The following EXOC6B variants were observed in gnomAD, a reference collection of about 807,000 sequenced individuals.
EXOC6B encodes SEC15 homolog B.
In EXOC6B, 54 loss-of-function variants were observed where a neutral mutation model predicts 113.5. The observed-to-expected ratio is 0.48, with a 90% CI of 0.38 to 0.60. EXOC6B has a LOEUF of 0.60. Among genes scored for constraint, EXOC6B ranks in the 20% least tolerant of loss-of-function variants. The probability of loss-of-function intolerance (pLI) is 0.00; values close to 1 mark genes in which losing one functional copy is unlikely to be tolerated. For missense variants in EXOC6B, 797 were observed against 977.5 expected (o/e 0.82, Z 2.46); for synonymous variants, 357 against 339.0 (o/e 1.05, Z -0.58).
At chr2:72,619,275 A>G (rs1208974250) in intron 6 of EXOC6B, among the ~76,000 whole-genome samples, 1 of 151,990 alleles carries the variant, frequency 6.6e-6, no homozygotes, top group Non-Finnish European at 1.5e-5. Context: ...CAATGACCCA[A>G]TCATTTCCTT....
intron 8 of EXOC6B, among the ~76,000 whole-genome samples, chr2:72,528,076 T>C (rs567754430): frequency 3.8e-4 from 58 of 152,188 alleles, no homozygotes; most frequent in African/African-American, 1.3e-3. Context: ...TTTTTTCTTT[T>C]ACACTGAAAG....
intron 6 of EXOC6B, among the ~76,000 whole-genome samples, chr2:72,607,356 C>T (rs922364489): frequency 6.6e-6 from 1 of 152,084 alleles, no homozygotes; most frequent in Non-Finnish European, 1.5e-5. Flanking sequence ...GACCCAGATG[C>T]CAGCGCCATG....
intron 19 of EXOC6B, among the ~76,000 whole-genome samples, chr2:72,373,911 T>C (rs901849263): frequency 3.9e-5 from 6 of 152,092 alleles, no homozygotes; most frequent in African/African-American, 1.4e-4. Flanking sequence ...ATCACGGGTC[T>C]GGAGTTCGAG....
At chr2:72,458,632 T>C (rs1697405177) in intron 18 of EXOC6B, among the ~76,000 whole-genome samples, 1 of 152,042 alleles carries the variant, frequency 6.6e-6, no homozygotes, top group Non-Finnish European at 1.5e-5. Context: ...CACTGAGACG[T>C]TTTATAGTAT....
intron 7 of EXOC6B, among the ~76,000 whole-genome samples, chr2:72,560,911 G>A (rs1296471532): frequency 6.6e-6 from 1 of 151,552 alleles, no homozygotes; most frequent in Non-Finnish European, 1.5e-5. Context: ...ATGGAGAGAT[G>A]TGCAGCATGC....
At chr2:72,261,779 T>C (rs929545461) in intron 20 of EXOC6B, among the ~76,000 whole-genome samples, 7 of 152,344 alleles carry the variant, frequency 4.6e-5, no homozygotes, top group Admixed American at 3.9e-4. Flanking sequence ...TTCTTTAGGC[T>C]AAAATATCCC....
chr2:72,576,861 T>C (rs1704897333), intron 6 of EXOC6B, among the ~76,000 whole-genome samples: 2 of 152,124 alleles, frequency 1.3e-5, no homozygotes, highest in Non-Finnish European at 2.9e-5. Context: ...AGCTTGAGAA[T>C]GTGACCTCTG....
intron 20 of EXOC6B, among the ~76,000 whole-genome samples, chr2:72,301,483 T>A (rs1321834641): frequency 1.3e-5 from 2 of 152,154 alleles, no homozygotes; most frequent in Non-Finnish European, 2.9e-5. Context: ...GTCCTGGGCT[T>A]TTTATGGTTG....
At position 72,413,382 on chromosome 2, in the gene EXOC6B, C is replaced by CT. The variant is rs895101388; in HGVS notation, c.1981-33513dup. The stretch of plus-strand genomic sequence containing the variant: ...TCTGGTATAGGGCCTGAAATTTTGC[C>CT]TTTTTTTTTTAAGAGATGGGGTCGG... On this transcript the variant is annotated intron_variant, in intron 18 of 21. Transcript: ENST00000272427. Among the ~76,000 whole-genome samples, 627 of 146,392 alleles carry CT rather than the reference C, an allele frequency of 4.3e-3. 6 individuals carry two copies. Among genetic ancestry groups the CT allele is most frequent in the African/African-American group, 0.014 (555 of 40,130 alleles).
chr2:72,825,972 A>G lies in EXOC6B; in HGVS notation c.-62T>C. The G allele has an allele frequency of 1.3e-6, 2 of 1,583,522 alleles. No individual in the cohort carries two copies. Among genetic ancestry groups the G allele is most frequent in the African/African-American group, 1.3e-5 (1 of 74,424 alleles). On this transcript the variant is annotated 5_prime_UTR_variant, in exon 1 of 22. Transcript: ENST00000272427. This position sits in a 1 kb window ranked among gnomAD's most constrained non-coding sequence, Gnocchi z 4.4. ...GCTCGGCTCACCTTTTCCCTGCCCC[A>G]CAATGCCGCTCCCACCACAGGCTCC...
At chr2:72,516,845 C>G (rs1030882154) in intron 8 of EXOC6B, among the ~76,000 whole-genome samples, 1 of 152,044 alleles carries the variant, frequency 6.6e-6, no homozygotes, top group Non-Finnish European at 1.5e-5. Context: ...AGAACAGTAT[C>G]TCATGCAAGC....
At chr2:72,740,773 C>T (rs572968734) in intron 2 of EXOC6B, among the ~76,000 whole-genome samples, 3 of 152,186 alleles carry the variant, frequency 2.0e-5, no homozygotes, top group South Asian at 4.1e-4. Context: ...TGGTTCTGGT[C>T]CACATGTAGT....
intron 6 of EXOC6B, among the ~76,000 whole-genome samples, chr2:72,632,815 G>A (rs1486081094): frequency 6.6e-6 from 1 of 151,972 alleles, no homozygotes; most frequent in Non-Finnish European, 1.5e-5. Flanking sequence ...CCAAATAGCT[G>A]GGACTACAGG....
chr2:72,471,437 T>C (rs1698406132), intron 17 of EXOC6B, among the ~76,000 whole-genome samples: 1 of 152,220 alleles, frequency 6.6e-6, no homozygotes, highest in Admixed American at 6.5e-5. Context: ...GATGGTAGTT[T>C]CTTTTGCTGT....
chr2:72,412,904 TC>T (rs1207261912), intron 18 of EXOC6B, among the ~76,000 whole-genome samples: 1 of 151,312 alleles, frequency 6.6e-6, no homozygotes, highest in Non-Finnish European at 1.5e-5. Context: ...GAAGTTCCCT[TC>T]CTTTCCTTCC....
chr2:72,323,594 A>T (rs1687965662), intron 20 of EXOC6B, among the ~76,000 whole-genome samples: 1 of 152,234 alleles, frequency 6.6e-6, no homozygotes, highest in African/African-American at 2.4e-5. Flanking sequence ...TCAAATGTCC[A>T]TCAATGATAG....
chr2:72,701,724 T>C (rs555405618), intron 6 of EXOC6B, among the ~76,000 whole-genome samples: 6 of 152,324 alleles, frequency 3.9e-5, no homozygotes, highest in African/African-American at 1.4e-4. Flanking sequence ...TGTCACCTAG[T>C]ATTCTGCAAG....
intron 21 of EXOC6B, among the ~76,000 whole-genome samples, chr2:72,183,707 T>C (rs1678237319): frequency 6.6e-6 from 1 of 152,038 alleles, no homozygotes. Flanking sequence ...ATACCCCAGG[T>C]GACTAGGGCA....
intron 6 of EXOC6B, among the ~76,000 whole-genome samples, chr2:72,694,361 G>C (rs1677715773): frequency 6.6e-6 from 1 of 152,150 alleles, no homozygotes; most frequent in Non-Finnish European, 1.5e-5. Context: ...AGAATCGCTT[G>C]ACCCTGGGAG....
Sources: allele counts gnomAD v4.1 joint callset (sites outside exome capture counted in the v4.1 genomes callset), GRCh38; gene constraint gnomAD v4.1.1; non-coding constraint Gnocchi (gnomAD v3.1); transcripts MANE v1.5; gene names NCBI Gene and HGNC (gene_info 2026-07-23, HGNC 2026-07-21).